ATXN10: variants seen among roughly 807,000 people sequenced by gnomAD.
ATXN10 encodes the protein ataxin-10.
Under a neutral mutation model 52.9 loss-of-function variants are expected in ATXN10, and 28 were observed. The observed-to-expected ratio is 0.53, with a 90% CI of 0.39 to 0.73. The LOEUF is 0.73. ATXN10 is among the 30% of genes least tolerant of loss of function. The pLI is 0.00. For synonymous variants in ATXN10, 226 were observed against 221.5 expected (o/e 1.02, Z -0.18); for missense variants, 565 against 577.0 (o/e 0.98, Z 0.21).
In ATXN10 at chr22:45,835,117, A is replaced by C. The variant is rs1302691507; in HGVS notation, c.1238-7874A>C. On this transcript the variant is annotated intron_variant, in intron 10 of 11. Coordinates refer to ENST00000252934, the MANE Select transcript of ATXN10 (RefSeq NM_013236.4). The surrounding 1 kb of genome is among the most constrained non-coding windows in gnomAD (Gnocchi z 5.0). The stretch of plus-strand genomic sequence containing the variant: ...ATCCTTCACCGCCAAAACCCCGTGA[A>C]TGTGAGGTACCTGTGAGCGCGGCCC... Among the ~76,000 whole-genome samples, 1 of 152,206 alleles carries C rather than the reference A, an allele frequency of 6.6e-6. No individual in the cohort carries two copies. The highest frequency in any genetic ancestry group is 1.5e-5 in the Non-Finnish European group (1 of 68,030).
intron 7 of ATXN10, chr22:45,734,371 G>A (rs754592534): frequency 7.3e-6 from 2 of 273,108 alleles, no homozygotes; most frequent in East Asian, 9.2e-5. Context: ...TTATTAAAAA[G>A]CATTTTCTGG....
Position 45,727,566 on chromosome 22 carries a change from G to C in ATXN10, c.729-1859G>C, listed in dbSNP as rs1298474668. ...AGTAGAGATGGGGTTTCACCATGTT[G>C]GCCAGGCTGGTCTCGAATGCCCGAT... On this transcript the variant is annotated intron_variant, in intron 6 of 11. Transcript: ENST00000252934. The surrounding 1 kb of genome is among the most constrained non-coding windows in gnomAD (Gnocchi z 4.6). Among the ~76,000 whole-genome samples, 1 of 152,002 alleles carries C rather than the reference G, an allele frequency of 6.6e-6. No individual in the cohort carries two copies. The highest frequency in any genetic ancestry group is 1.5e-5 in the Non-Finnish European group (1 of 68,000).
At chr22:45,717,166 C>T (rs1160837958) in intron 5 of ATXN10, among the ~76,000 whole-genome samples, 5 of 152,066 alleles carry the variant, frequency 3.3e-5, no homozygotes, top group African/African-American at 1.2e-4. Flanking sequence ...TTCTTGCCCC[C>T]TGTCTGTCAC....
intron 9 of ATXN10, among the ~76,000 whole-genome samples, chr22:45,782,959 A>G (rs1927201490): frequency 1.3e-5 from 2 of 150,218 alleles, no homozygotes; most frequent in African/African-American, 4.8e-5. Flanking sequence ...ATGGTAAACT[A>G]GAACAATTAC....
Position 45,783,881 on chromosome 22 carries a change from A to G in ATXN10, c.1174-23078A>G, listed in dbSNP as rs1196789423. Among the ~76,000 whole-genome samples, 1 of 152,190 alleles carries G rather than the reference A, an allele frequency of 6.6e-6. No individual in the cohort carries two copies. The highest frequency in any genetic ancestry group is 1.5e-5 in the Non-Finnish European group (1 of 68,028). The stretch of plus-strand genomic sequence containing the variant: ...CACGATTCCCGAGGGCACCGAGGAA[A>G]TGGTCAGACTTCTTTCCTGTAGGTC... On this transcript the variant is annotated intron_variant, in intron 9 of 11. Coordinates refer to ENST00000252934, the MANE Select transcript of ATXN10 (RefSeq NM_013236.4). The surrounding 1 kb of genome is among the most constrained non-coding windows in gnomAD (Gnocchi z 5.0).
In ATXN10 at chr22:45,837,027, G is replaced by T. The variant is rs1041323677; in HGVS notation, c.1238-5964G>T. On this transcript the variant is annotated intron_variant, in intron 10 of 11. Transcript: ENST00000252934. The surrounding 1 kb of genome is among the most constrained non-coding windows in gnomAD (Gnocchi z 5.8). ...ACAGCGTACTTTGGAAAGCCCTGCA[G>T]CACACAAATCCCTTGCCTTCATGGG... is the stretch of plus-strand genomic sequence containing the variant. Among the ~76,000 whole-genome samples the T allele has an allele frequency of 6.6e-6, 1 of 152,174 alleles. No individual in the cohort carries two copies. The highest frequency in any genetic ancestry group is 1.5e-5 in the Non-Finnish European group (1 of 68,024).
rs1929071779 is a variant in ATXN10 at position 45,833,834 on chromosome 22, G to C, written c.1238-9157G>C. 6.6e-6 allele frequency among the ~76,000 whole-genome samples: 1 copy of C among 152,180 alleles called. No homozygotes were observed. The highest frequency in any genetic ancestry group is 1.5e-5 in the Non-Finnish European group (1 of 68,018). Reference sequence around the variant, plus strand: ...CTCCAGAGGTCTCTCTGGATGGACTGGTCGCGAGAGCACACTTAGCAGCGA... The same window carrying C: ...CTCCAGAGGTCTCTCTGGATGGACTCGTCGCGAGAGCACACTTAGCAGCGA... On this transcript the variant is annotated intron_variant, in intron 10 of 11. Transcript: ENST00000252934. The surrounding 1 kb of genome is among the most constrained non-coding windows in gnomAD (Gnocchi z 4.3).
At chr22:45,751,750 AAAAAT>A (rs1270242824) in intron 9 of ATXN10, among the ~76,000 whole-genome samples, 13 of 70,136 alleles carry the variant, frequency 1.9e-4, no homozygotes, top group African/African-American at 1.5e-4. Flanking sequence ...GAAAAAAAAA[AAAAAT>A]AAAAAAAAAA....
At chr22:45,813,081 C>T (rs1002171843) in intron 10 of ATXN10, among the ~76,000 whole-genome samples, 2 of 152,188 alleles carry the variant, frequency 1.3e-5, no homozygotes, top group Admixed American at 6.5e-5. Flanking sequence ...CTCAGGGACA[C>T]GAGCCCAACT....
At position 45,701,635 on chromosome 22, in the gene ATXN10, C is replaced by T. The variant is rs535879536; in HGVS notation, c.489-1054C>T. On this transcript the variant is annotated intron_variant, in intron 4 of 11. Transcript: ENST00000252934. This position sits in a 1 kb window ranked among gnomAD's most constrained non-coding sequence, Gnocchi z 4.2. Reference sequence around the variant, plus strand: ...TTTTTGAGAATTCATTCCCTTAAAACGTTTTGGATACCTAATATCTGCCAG... The same window carrying T: ...TTTTTGAGAATTCATTCCCTTAAAATGTTTTGGATACCTAATATCTGCCAG... Among the ~76,000 whole-genome samples the T allele has an allele frequency of 1.3e-5, 2 of 152,166 alleles. No individual in the cohort carries two copies. The highest frequency in any genetic ancestry group is 2.4e-5 in the African/African-American group (1 of 41,438).
rs1470992597 is a variant in ATXN10 at position 45,841,965 on chromosome 22, A to C, written c.1238-1026A>C. ...CATTGGCAGTGCCCGAGTGGGAAGC[A>C]TCTGATAATCATCAGGGGACAGGAC... On this transcript the variant is annotated intron_variant, in intron 10 of 11. Coordinates refer to ENST00000252934, the MANE Select transcript of ATXN10 (RefSeq NM_013236.4). The surrounding 1 kb of genome is among the most constrained non-coding windows in gnomAD (Gnocchi z 5.1). 6.6e-6 allele frequency among the ~76,000 whole-genome samples: 1 copy of C among 152,222 alleles called. No homozygotes were observed. Among genetic ancestry groups the C allele is most frequent in the Non-Finnish European group, 1.5e-5 (1 of 68,040 alleles).
Position 45,672,169 on chromosome 22 carries a change from C to G in ATXN10, c.106C>G (p.Gln36Glu), listed in dbSNP as rs1416380745. 1.3e-6 allele frequency: 2 copies of G among 1,536,134 alleles called. No homozygotes were observed. Among genetic ancestry groups the G allele is most frequent in the Non-Finnish European group, 1.7e-6 (2 of 1,143,782 alleles). ...LRALTALFKE[Q>E]RNRETAPRTI... ...CGCGCTCACGGCGCTCTTCAAAGAG[C>G]AGCGGAACCGGTAACGGGTCCGGCC... Residue 36 changes from glutamine (Q) to glutamate (E), a missense_variant, in exon 1 of 12, where the codon CAG becomes GAG. By Grantham distance (29) the Gln-to-Glu change is conservative (BLOSUM62 2). Coordinates refer to ENST00000252934, the MANE Select transcript of ATXN10 (RefSeq NM_013236.4).
chr22:45,813,107 A>G (rs1928337811), intron 10 of ATXN10, among the ~76,000 whole-genome samples: 1 of 152,010 alleles, frequency 6.6e-6, no homozygotes, highest in Admixed American at 6.5e-5. Flanking sequence ...CCAGCTGTTC[A>G]CTCGCCCAAC....
At chr22:45,740,346 G>A (rs1333779234) in intron 8 of ATXN10, 23 bp from the exon 9 acceptor site, 1 of 1,613,482 alleles carries the variant, frequency 6.2e-7, no homozygotes, top group Admixed American at 1.7e-5. Flanking sequence ...TGTGGAAAAT[G>A]AAGTTTACTC....
At chr22:45,799,151 A>AC (rs1388542727) in intron 9 of ATXN10, among the ~76,000 whole-genome samples, 2 of 151,684 alleles carry the variant, frequency 1.3e-5, no homozygotes, top group South Asian at 2.1e-4. Flanking sequence ...GCTCACTGCA[A>AC]CCCCCGCCTC....
intron 10 of ATXN10, among the ~76,000 whole-genome samples, chr22:45,809,621 C>A (rs1040070382): frequency 1.4e-4 from 21 of 152,192 alleles, no homozygotes; most frequent in African/African-American, 5.1e-4. Flanking sequence ...GGAGTTAGGA[C>A]TGCACATCCC....
chr22:45,675,343 C>G (rs1174897634), intron 1 of ATXN10: 1 of 152,218 alleles, frequency 6.6e-6, no homozygotes, highest in Non-Finnish European at 1.5e-5. Flanking sequence ...CTTTGATACT[C>G]TGACCTTCTC....
chr22:45,692,858 AAAG>A, intron 2 of ATXN10, 135 bp from the exon 3 acceptor site: 1 of 740,690 alleles, frequency 1.4e-6, no homozygotes, highest in East Asian at 2.7e-5. Flanking sequence ...TTTTTCCTGT[AAAG>A]AGCCAGATAA....
chr22:45,703,460 A>G (rs1215431041), intron 5 of ATXN10, among the ~76,000 whole-genome samples: 1 of 151,814 alleles, frequency 6.6e-6, no homozygotes, highest in East Asian at 1.9e-4. Context: ...AATTTGGAAA[A>G]TTTTCGCTGT....
Sources: allele counts gnomAD v4.1 joint callset (sites outside exome capture counted in the v4.1 genomes callset), GRCh38; gene constraint gnomAD v4.1.1; non-coding constraint Gnocchi (gnomAD v3.1); transcripts MANE v1.5; gene names NCBI Gene and HGNC (gene_info 2026-07-23, HGNC 2026-07-21).